Variants in PCDHGA1 observed in about 807,000 individuals in gnomAD.
The protein encoded by PCDHGA1 is protocadherin gamma-A1.
A neutral mutation model predicts 58.0 loss-of-function variants in PCDHGA1; 32 were observed. The observed-to-expected ratio is 0.55, with a 90% confidence interval of 0.42 to 0.74. The LOEUF is 0.74. Among genes scored for constraint, PCDHGA1 ranks in the 30% least tolerant of loss-of-function variants. PCDHGA1 has a pLI of 0.00. For missense variants in PCDHGA1, 1,205 were observed against 1,182.3 expected, an observed-to-expected ratio of 1.02 and a Z score of -0.28; for synonymous variants, 498 against 501.1, an observed-to-expected ratio of 0.99 and a Z score of 0.08.
At chr5:141,344,548 T>C in intron 1 of PCDHGA1, 1 of 1,614,034 alleles carries the variant, frequency 6.2e-7, no homozygotes, top group Non-Finnish European at 8.5e-7. Context: ...AACTACAAGC[T>C]TAGCCCCAAT....
intron 1 of PCDHGA1, chr5:141,384,016 G>A: frequency 6.2e-7 from 1 of 1,613,744 alleles, no homozygotes; most frequent in Non-Finnish European, 8.5e-7. Flanking sequence ...CTACCTACAA[G>A]ACAGAGATTC....
In PCDHGA1 at chr5:141,501,176, T is replaced by C. The variant is rs917315609; in HGVS notation, c.2481-4217T>C. ...GCCACCATCCCCAGCCTCATTTACA[T>C]TTTAACACAATTAAATTCAGGGTGT... On this transcript the variant is annotated intron_variant, in intron 2 of 3. Coordinates refer to ENST00000517417, the MANE Select transcript of PCDHGA1 (RefSeq NM_018912.3). Among the ~76,000 whole-genome samples, 16 of 152,244 alleles carry C rather than the reference T, an allele frequency of 1.1e-4. No homozygotes were observed. In the South Asian group the frequency reaches 3.3e-3, roughly 32 times the overall value.
At chr5:141,435,877 G>A (rs1554127514) in intron 1 of PCDHGA1, among the ~76,000 whole-genome samples, 1 of 152,092 alleles carries the variant, frequency 6.6e-6, no homozygotes, top group Non-Finnish European at 1.5e-5. Flanking sequence ...AAAAGAGATT[G>A]GAAACCCCTT....
chr5:141,354,116 A>G (rs1355865082), intron 1 of PCDHGA1, among the ~76,000 whole-genome samples: 1 of 152,258 alleles, frequency 6.6e-6, no homozygotes, highest in Non-Finnish European at 1.5e-5. Flanking sequence ...GAGCTAAAGT[A>G]AAGTTAGAAA....
Position 141,404,690 on chromosome 5 carries a change from C to T in PCDHGA1, c.2421+71585C>T, listed in dbSNP as rs199517824. The T allele has an allele frequency of 1.9e-4, 304 of 1,613,808 alleles. 1 individual carries two copies. Among genetic ancestry groups the T allele is most frequent in the Non-Finnish European group, 2.1e-4 (250 of 1,179,844 alleles). On this transcript the variant is annotated intron_variant, in intron 1 of 3. Coordinates refer to ENST00000517417, the MANE Select transcript of PCDHGA1 (RefSeq NM_018912.3). ...TTCTACTGGTGTGGAGCTGGCACCC[C>T]GCTCTGCAGAGCCTGGCTACCTGGT...
At chr5:141,418,460 G>A in intron 1 of PCDHGA1, 1 of 1,613,992 alleles carries the variant, frequency 6.2e-7, no homozygotes, top group Non-Finnish European at 8.5e-7. Context: ...GAAGACTCTG[G>A]ACCGAGAAAC....
chr5:141,505,190 G>A (rs1326515866), intron 2 of PCDHGA1, among the ~76,000 whole-genome samples: 1 of 152,186 alleles, frequency 6.6e-6, no homozygotes, highest in East Asian at 1.9e-4. Flanking sequence ...ATCGGAGGCA[G>A]CAAAGAGCTG....
intron 1 of PCDHGA1, chr5:141,375,687 G>A (rs1588775167): frequency 6.2e-7 from 1 of 1,614,258 alleles, no homozygotes. Flanking sequence ...GTGACAGCCA[G>A]CGACAGCGGG....
intron 1 of PCDHGA1, chr5:141,400,256 G>T (rs756430299): frequency 8.1e-6 from 13 of 1,613,868 alleles, no homozygotes; most frequent in Non-Finnish European, 1.1e-5. Flanking sequence ...GTTGCCTTGC[G>T]CCTGCGACGC....
chr5:141,352,599 A>G, intron 1 of PCDHGA1: 2 of 1,613,758 alleles, frequency 1.2e-6, no homozygotes, highest in Non-Finnish European at 1.7e-6. Context: ...CTGTGTGATG[A>G]TCCTTCTATG....
chr5:141,343,571 C>T (rs901562786), intron 1 of PCDHGA1, among the ~76,000 whole-genome samples: 17 of 152,198 alleles, frequency 1.1e-4, no homozygotes, highest in South Asian at 2.1e-4. Flanking sequence ...GTTAACTCCA[C>T]TATGTTTGAA....
intron 1 of PCDHGA1, chr5:141,364,169 C>A: frequency 1.3e-6 from 1 of 765,758 alleles, no homozygotes; most frequent in Non-Finnish European, 1.9e-6. Flanking sequence ...GGCGACCCGA[C>A]TCTGCTCCCT....
chr5:141,418,597 G>T, intron 1 of PCDHGA1: 7 of 1,614,052 alleles, frequency 4.3e-6, no homozygotes, highest in South Asian at 1.1e-5. Flanking sequence ...GCCAGGACGT[G>T]TACAGGGTTA....
chr5:141,366,196 C>T, intron 1 of PCDHGA1: 5 of 1,613,898 alleles, frequency 3.1e-6, no homozygotes, highest in Non-Finnish European at 4.2e-6. Context: ...TTGGGCTGCA[C>T]ACGGGCGAGG....
intron 1 of PCDHGA1, chr5:141,421,396 C>T: frequency 2.5e-6 from 4 of 1,614,036 alleles, no homozygotes; most frequent in South Asian, 1.1e-5. Context: ...GGGGCTGGAG[C>T]CCCGGGAGCT....
At position 141,454,263 on chromosome 5, in the gene PCDHGA1, T is replaced by C. The variant is rs954231508; in HGVS notation, c.2422-40544T>C. Among the ~76,000 whole-genome samples, 42 of 152,140 alleles carry C rather than the reference T, an allele frequency of 2.8e-4. 1 individual carries two copies. Among genetic ancestry groups the C allele is most frequent in the South Asian group, 1.0e-3 (5 of 4,826 alleles). On this transcript the variant is annotated intron_variant, in intron 1 of 3. Coordinates refer to ENST00000517417, the MANE Select transcript of PCDHGA1 (RefSeq NM_018912.3). Reference sequence around the variant, plus strand: ...GATGAAGATGTCCCAGAGAAAGTAATGCCAGCAAAAACTTCACATTAAAGG... The same window carrying C: ...GATGAAGATGTCCCAGAGAAAGTAACGCCAGCAAAAACTTCACATTAAAGG...
At position 141,485,800 on chromosome 5, in the gene PCDHGA1, C is replaced by T. The variant is rs1231777430; in HGVS notation, c.2422-9007C>T. On this transcript the variant is annotated intron_variant, in intron 1 of 3. Coordinates refer to ENST00000517417, the MANE Select transcript of PCDHGA1 (RefSeq NM_018912.3). This position sits in a 1 kb window ranked among gnomAD's most constrained non-coding sequence, Gnocchi z 5.7. The stretch of plus-strand genomic sequence containing the variant: ...ATCGAGAGAAGCAATCGGACTACCG[C>T]CTGGTGCTGACTGCTGTCGATGGAG... 1 of 1,614,228 alleles carries T rather than the reference C, an allele frequency of 6.2e-7. No homozygotes were observed. Among genetic ancestry groups the T allele is most frequent in the East Asian group, 2.2e-5 (1 of 44,878 alleles).
chr5:141,410,023 C>G, intron 1 of PCDHGA1: 1 of 1,613,310 alleles, frequency 6.2e-7, no homozygotes, highest in Non-Finnish European at 8.5e-7. Context: ...TGTCCTACCA[C>G]GTGCTGCAGG....
intron 1 of PCDHGA1, chr5:141,388,833 T>G (rs761698912): frequency 6.2e-7 from 1 of 1,613,838 alleles, no homozygotes; most frequent in Non-Finnish European, 8.5e-7. Context: ...TTCCATAGTT[T>G]TGGAAGCAAG....
Sources: gnomAD v4.1 joint callset for allele counts (sites outside exome capture counted in the v4.1 genomes callset) on GRCh38, gnomAD v4.1.1 for gene constraint, Gnocchi (gnomAD v3.1) non-coding constraint, MANE v1.5 for transcripts, NCBI Gene and HGNC (gene_info 2026-07-23, HGNC 2026-07-21) for gene names.